Variants in MIGA2 observed in about 807,000 individuals in gnomAD.
The protein encoded by MIGA2 is mitoguardin 2, also known as family with sequence similarity 73, member B.
Under a neutral mutation model 69.9 loss-of-function variants are expected in MIGA2, and 36 were observed. That is an observed-to-expected ratio of 0.52 (90% CI 0.39 to 0.68). MIGA2 has a LOEUF of 0.68. MIGA2 is among the 30% of genes least tolerant of loss of function. MIGA2 has a pLI of 0.00. For missense variants in MIGA2, 660 were observed against 787.7 expected (o/e 0.84, Z 1.94); for synonymous variants, 333 against 349.2 (o/e 0.95, Z 0.52).
In MIGA2 at chr9:129,040,663, C is replaced by T. The variant is rs746244034; in HGVS notation, c.69C>T (p.Pro23=). ...TGGCCATGACGGTGGCCGAGATCCC[C>T]GTGTTCCTGTACACGACGTTTGGGC... The part of the protein sequence containing the change: ...QALAMTVAEI[P]VFLYTTFGQS... Residue 23 remains proline (P), a synonymous_variant, in exon 2 of 16, where the codon CCC becomes CCT. Coordinates refer to ENST00000684074, the MANE Select transcript of MIGA2 (RefSeq NM_001329990.2). 16 of 1,613,766 alleles carry T rather than the reference C, an allele frequency of 9.9e-6. No homozygotes were observed. In the Admixed American group the frequency reaches 1.5e-4, roughly 15 times the overall value.
At chr9:129,051,535 C>G (rs1163117346) in intron 6 of MIGA2, 1 of 150,996 alleles carries the variant, frequency 6.6e-6, no homozygotes, top group Non-Finnish European at 1.5e-5. Flanking sequence ...CTTGGCCTCC[C>G]AAAGTGCTGG....
chr9:129,064,330 C>A (rs1202170031), intron 11 of MIGA2, among the ~76,000 whole-genome samples: 5 of 151,966 alleles, frequency 3.3e-5, no homozygotes, highest in African/African-American at 1.2e-4. Flanking sequence ...CCTCAGCCTC[C>A]CGAGTAGCTG....
At chr9:129,037,946 G>A (rs1436826478) in intron 1 of MIGA2, among the ~76,000 whole-genome samples, 4 of 152,262 alleles carry the variant, frequency 2.6e-5, no homozygotes, top group East Asian at 3.9e-4. Flanking sequence ...TGGCCATTGC[G>A]AGGGTTCTGA....
At chr9:129,054,943 G>T (rs373726410) in intron 6 of MIGA2, among the ~76,000 whole-genome samples, 1 of 152,130 alleles carries the variant, frequency 6.6e-6, no homozygotes, top group South Asian at 2.1e-4. Context: ...CCTGGCTGGC[G>T]TGCAGTGGCA....
chr9:129,053,385 C>T (rs1290141242), intron 6 of MIGA2, among the ~76,000 whole-genome samples: 11 of 150,250 alleles, frequency 7.3e-5, no homozygotes, highest in Admixed American at 6.6e-4. Flanking sequence ...TTTTTTGAGA[C>T]GGAGTTTCGC....
intron 3 of MIGA2, among the ~76,000 whole-genome samples, chr9:129,045,150 CAA>C (rs543356730): frequency 2.3e-5 from 2 of 86,142 alleles, no homozygotes; most frequent in Admixed American, 1.4e-4. Flanking sequence ...GACTCTATCT[CAA>C]AAAAAAAAAA....
In MIGA2 at chr9:129,061,127, C is replaced by A; in HGVS notation, c.895-104C>A. The A allele has an allele frequency of 2.2e-6, 2 of 929,938 alleles. No individual in the cohort carries two copies. Among genetic ancestry groups the A allele is most frequent in the Non-Finnish European group, 3.4e-6 (2 of 589,852 alleles). 57.6% of individuals were successfully genotyped at this position (929,938 alleles called of 1,614,324 possible). On this transcript the variant is annotated intron_variant, in intron 8 of 15. Transcript: ENST00000684074. The surrounding 1 kb of genome is among the most constrained non-coding windows in gnomAD (Gnocchi z 5.0). Reference sequence around the variant, plus strand: ...CTCAGAGACGTTGGCAGTGGGCAGGCACCTGGGGTGGCCGCTGTGGCCGAC... The same window carrying A: ...CTCAGAGACGTTGGCAGTGGGCAGGAACCTGGGGTGGCCGCTGTGGCCGAC...
intron 9 of MIGA2, 101 bp from the exon 10 acceptor site, chr9:129,063,142 TG>T: frequency 8.3e-7 from 1 of 1,208,936 alleles, no homozygotes; most frequent in Non-Finnish European, 1.2e-6. Flanking sequence ...GGGCCAGGGC[TG>T]GAGCCAGAGC....
rs1050096755 is a variant in MIGA2 at position 129,059,056 on chromosome 9, G to A, written c.676-98G>A. On this transcript the variant is annotated intron_variant, in intron 6 of 15. Transcript: ENST00000684074. The surrounding 1 kb of genome is among the most constrained non-coding windows in gnomAD (Gnocchi z 5.6). Reference sequence around the variant, plus strand: ...ATGTGCTTAGCTGCTGGGTCCTAGAGCTCCTCCCCTTTCCCCAGGGACCTG... The same window carrying A: ...ATGTGCTTAGCTGCTGGGTCCTAGAACTCCTCCCCTTTCCCCAGGGACCTG... 5 of 1,052,508 alleles carry A rather than the reference G, an allele frequency of 4.8e-6. No individual in the cohort carries two copies. The highest frequency in any genetic ancestry group is 7.2e-6 in the Non-Finnish European group (5 of 689,740). The allele number at this position is 1,052,508 out of a possible 1,614,324, so 65.2% of individuals were successfully genotyped here. A position where few individuals can be genotyped will look rare whatever the true frequency, so the allele number is the denominator to read the frequency against.
At chr9:129,042,118 G>A in intron 2 of MIGA2, 186 bp from the exon 3 acceptor site, 2 of 615,700 alleles carry the variant, frequency 3.2e-6, no homozygotes, top group Non-Finnish European at 2.9e-6. Flanking sequence ...ATGTTTTTGT[G>A]GCCTGTGTTT....
At position 129,059,009 on chromosome 9, in the gene MIGA2, G is replaced by T; in HGVS notation, c.676-145G>T. The stretch of plus-strand genomic sequence containing the variant: ...AGAAGTGGCTGGTGGCTCCTCTATC[G>T]AGCAGTGAAGTTTTGGAGTTTATGT... On this transcript the variant is annotated intron_variant, in intron 6 of 15. Transcript: ENST00000684074. The surrounding 1 kb of genome is among the most constrained non-coding windows in gnomAD (Gnocchi z 5.6). The T allele has an allele frequency of 4.6e-6, 3 of 653,350 alleles. No homozygotes were observed. Among genetic ancestry groups the T allele is most frequent in the Non-Finnish European group, 8.1e-6 (3 of 372,270 alleles). 40.5% of individuals were successfully genotyped at this position (653,350 alleles called of 1,614,324 possible).
intron 11 of MIGA2, among the ~76,000 whole-genome samples, chr9:129,066,026 A>T (rs1296857472): frequency 6.6e-6 from 1 of 151,978 alleles, no homozygotes; most frequent in Admixed American, 6.6e-5. Context: ...CTGCATCAGC[A>T]CTCCTCGGAT....
intron 11 of MIGA2, 103 bp from the exon 12 acceptor site, chr9:129,067,670 G>A: frequency 9.9e-7 from 1 of 1,005,280 alleles, no homozygotes; most frequent in Non-Finnish European, 1.5e-6. Context: ...CTGCTGCGTG[G>A]GGATGGGCCC....
chr9:129,053,489 G>A (rs190610383), intron 6 of MIGA2, among the ~76,000 whole-genome samples: 2 of 151,624 alleles, frequency 1.3e-5, no homozygotes, highest in East Asian at 1.9e-4. Context: ...TCAGCCTCCC[G>A]AGTAGTTTGG....
At chr9:129,049,693 T>C in intron 5 of MIGA2, 134 bp from the exon 6 acceptor site, 8 of 1,414,334 alleles carry the variant, frequency 5.7e-6, no homozygotes, top group Non-Finnish European at 7.9e-6. Flanking sequence ...GCCTGGAACC[T>C]GAGCAGCCCA....
rs532861889 is a variant in MIGA2, at chr9:129,036,825, C to T, written c.-144+144C>T. 11 of 489,838 alleles carry T rather than the reference C, an allele frequency of 2.2e-5. No individual in the cohort carries two copies. The East Asian group carries it at 1.5e-3, about 68-fold the overall frequency. The allele number at this position is 489,838 out of a possible 1,614,324, so 30.3% of individuals were successfully genotyped here. The stretch of plus-strand genomic sequence containing the variant: ...GGGTTGGAATGAGTGGGTACCCGGG[C>T]CGGGGACGGTGCGAGAGGGTGCCTT... On this transcript the variant is annotated intron_variant, in intron 1 of 15. Transcript: ENST00000684074.
rs1846669401 is a variant in MIGA2 at position 129,071,371 on chromosome 9, G to T, written c.*918G>T. ...TCAGTTCAACGCACAAACGCTCCTG[G>T]GGCCTCATGGGGGCAGAGCCTCCCC... On this transcript the variant is annotated 3_prime_UTR_variant, in exon 16 of 16. Coordinates refer to ENST00000684074, the MANE Select transcript of MIGA2 (RefSeq NM_001329990.2). 8 of 152,414 alleles carry T rather than the reference G, an allele frequency of 5.2e-5. No individual in the cohort carries two copies. The South Asian group carries it at 1.7e-3, about 32-fold the overall frequency. The allele number at this position is 152,414 out of a possible 1,614,324, so 9.4% of individuals were successfully genotyped here. A position where few individuals can be genotyped will look rare whatever the true frequency, so the allele number is the denominator to read the frequency against.
intron 6 of MIGA2, 38 bp downstream of exon 6, chr9:129,050,001 A>T (rs1351888136): frequency 6.3e-7 from 1 of 1,585,684 alleles, no homozygotes; most frequent in East Asian, 2.3e-5. Flanking sequence ...CCCATGGGAT[A>T]AAGTTGGCAG....
chr9:129,049,356 T>C (rs759148720), intron 4 of MIGA2, 25 bp from the exon 5 acceptor site: 1 of 1,610,416 alleles, frequency 6.2e-7, no homozygotes, highest in East Asian at 2.2e-5. Flanking sequence ...CTTCACTCTT[T>C]CTTCTTGCAC....
Sources: gnomAD v4.1 joint callset for allele counts (sites outside exome capture counted in the v4.1 genomes callset) on GRCh38, gnomAD v4.1.1 for gene constraint, Gnocchi (gnomAD v3.1) non-coding constraint, MANE v1.5 for transcripts, NCBI Gene and HGNC (gene_info 2026-07-23, HGNC 2026-07-21) for gene names.